The following MYL10 variants were observed in gnomAD, a reference collection of about 807,000 sequenced individuals.
MYL10 encodes myosin light chain 10.
In MYL10, 18 loss-of-function variants were observed where a neutral mutation model predicts 21.9. The observed-to-expected ratio is 0.82, with a 90% CI of 0.57 to 1.22. The LOEUF (loss-of-function observed/expected upper bound fraction) is 1.22. MYL10 is among the 50% of genes most tolerant of loss of function. The pLI, the probability that MYL10 is intolerant of heterozygous loss-of-function variation, is 0.00. For synonymous variants in MYL10, 88 were observed against 82.8 expected (o/e 1.06, Z -0.34); for missense variants, 225 against 230.4 (o/e 0.98, Z 0.15).
intron 5 of MYL10, 63 bp from the exon 6 acceptor site, chr7:101,616,361 A>G (rs1216133741): frequency 3.6e-6 from 5 of 1,384,790 alleles, no homozygotes; most frequent in Non-Finnish European, 2.0e-6. Flanking sequence ...AGGGACAGGC[A>G]CAAGGCTGGG....
intron 1 of MYL10, among the ~76,000 whole-genome samples, chr7:101,627,847 G>A (rs1448073474): frequency 6.6e-6 from 1 of 152,268 alleles, no homozygotes; most frequent in African/African-American, 2.4e-5. Context: ...TGAGCCGTCA[G>A]GGAGTGTTGC....
At chr7:101,618,065 G>A (rs1796629696) in intron 5 of MYL10, among the ~76,000 whole-genome samples, 1 of 152,288 alleles carries the variant, frequency 6.6e-6, no homozygotes, top group Admixed American at 6.5e-5. Flanking sequence ...CTAGGAACTA[G>A]CCAGGACTGG....
rs143165987 is a variant in MYL10 at position 101,624,248 on chromosome 7, C to T, written c.95G>A (p.Arg32Gln). 37 of 1,613,488 alleles carry T rather than the reference C, an allele frequency of 2.3e-5. No individual in the cohort carries two copies. The highest frequency in any genetic ancestry group is 3.0e-5 in the Non-Finnish European group (35 of 1,179,866). The part of the protein sequence containing the change: ...VLGLQAPRRA[R>Q]KRAEGTASSN... ...GCTGGCGGTGCCTTCTGCTCTTTTC[C>T]GAGCTCTTCTCGGTGCCTGCGAGGT... The change falls in exon 2 of 8, where the codon CGG (arginine) becomes CAG (glutamine). Residue 32 changes from arginine (R) to glutamine (Q), a missense_variant. Transcript: ENST00000223167.
intron 3 of MYL10, 35 bp downstream of exon 3, chr7:101,623,885 T>C: frequency 3.8e-6 from 1 of 263,180 alleles, no homozygotes; most frequent in South Asian, 4.4e-5. Context: ...AAAAATTAGC[T>C]GGGCATGGTG....
At chr7:101,617,883 C>G (rs757336985) in intron 5 of MYL10, among the ~76,000 whole-genome samples, 6 of 152,080 alleles carry the variant, frequency 3.9e-5, no homozygotes, top group Non-Finnish European at 5.9e-5. Context: ...TTCCATCAGA[C>G]TGGGTCAGAG....
intron 5 of MYL10, among the ~76,000 whole-genome samples, chr7:101,621,350 G>A (rs1433158800): frequency 6.6e-6 from 1 of 152,078 alleles, no homozygotes; most frequent in Non-Finnish European, 1.5e-5. Flanking sequence ...GAGGCTCCCC[G>A]ATCCTTCCTC....
At chr7:101,616,033 G>A (rs932872362) in intron 6 of MYL10, among the ~76,000 whole-genome samples, 187 bp downstream of exon 6, 6 of 151,894 alleles carry the variant, frequency 4.0e-5, no homozygotes, top group African/African-American at 4.8e-5. Flanking sequence ...CTACTTCCAC[G>A]CACACATAGA....
chr7:101,624,415 C>A (rs530842481), intron 1 of MYL10, 151 bp from the exon 2 acceptor site: 2 of 597,698 alleles, frequency 3.3e-6, no homozygotes, highest in Non-Finnish European at 5.9e-6. Flanking sequence ...ACCCCTGAAG[C>A]CTTGCAGGTA....
chr7:101,625,303 G>A (rs1796730704), intron 1 of MYL10, among the ~76,000 whole-genome samples: 1 of 152,216 alleles, frequency 6.6e-6, no homozygotes, highest in Admixed American at 6.5e-5. Context: ...TCCTGTTCCT[G>A]GGCAGCCATC....
intron 6 of MYL10, 56 bp downstream of exon 6, chr7:101,616,164 C>T: frequency 5.3e-6 from 8 of 1,516,676 alleles, no homozygotes; most frequent in Non-Finnish European, 7.3e-6. Context: ...ACCCTGACCC[C>T]AGCCCAAAGC....
chr7:101,625,520 C>T (rs1796733273), intron 1 of MYL10, among the ~76,000 whole-genome samples: 1 of 152,072 alleles, frequency 6.6e-6, no homozygotes. Flanking sequence ...CCCTCATCCC[C>T]TGCTCCCCTC....
At position 101,622,136 on chromosome 7, in the gene MYL10, G is replaced by A. The variant is rs1267766632; in HGVS notation, c.414C>T (p.Asn138=). 3 of 1,613,932 alleles carry A rather than the reference G, an allele frequency of 1.9e-6. No individual in the cohort carries two copies. The highest frequency in any genetic ancestry group is 1.7e-5 in the Admixed American group (1 of 60,004). ...AMVKEAPGPI[N]FTVFLTMFGE... The stretch of plus-strand genomic sequence containing the variant: ...CAAACATGGTCAGGAACACCGTGAA[G>A]TTGATGGGTCCGGGGGCCTCCTTCA... The change falls in exon 5 of 8, where the codon AAC becomes AAT. Residue 138 remains asparagine (N), a synonymous_variant. Transcript: ENST00000223167.
intron 6 of MYL10, among the ~76,000 whole-genome samples, chr7:101,614,272 G>C (rs1311165861): frequency 6.6e-6 from 1 of 152,224 alleles, no homozygotes; most frequent in African/African-American, 2.4e-5. Flanking sequence ...AGACGGCTGA[G>C]TGGGGCCTCG....
chr7:101,624,751 C>T (rs1226564983), intron 1 of MYL10, among the ~76,000 whole-genome samples: 1 of 152,190 alleles, frequency 6.6e-6, no homozygotes, highest in African/African-American at 2.4e-5. Flanking sequence ...AGGCCCTCTA[C>T]TCTGTCCCAG....
intron 1 of MYL10, among the ~76,000 whole-genome samples, chr7:101,627,738 G>A (rs751151152): frequency 6.6e-6 from 1 of 152,220 alleles, no homozygotes; most frequent in Non-Finnish European, 1.5e-5. Flanking sequence ...TGGGCCAACT[G>A]TTTTCTCTAG....
Position 101,616,264 on chromosome 7 carries a change from GA to G in MYL10, c.488del (p.Phe163SerfsTer22). On this transcript the variant is annotated frameshift_variant, in exon 6 of 8. Coordinates refer to ENST00000223167, the MANE Select transcript of MYL10 (RefSeq NM_138403.5). LOFTEE classifies it high-confidence loss of function. Reference protein sequence around the residue: ...TDPEETILHAFKVFDTEGKGF... With the variant: ...TDPEETILHAXKVFDTEGKGF... ...CTTTCCCTTCAGTGTCGAACACTTTGAAGGCGTGGAGAATGGTCTCCTCTGG... is the reference window on the plus strand; with the variant it reads ...CTTTCCCTTCAGTGTCGAACACTTTGAGGCGTGGAGAATGGTCTCCTCTGG... 1 of 1,614,168 alleles carries G rather than the reference GA, an allele frequency of 6.2e-7. No homozygotes were observed. The highest frequency in any genetic ancestry group is 8.5e-7 in the Non-Finnish European group (1 of 1,180,008).
intron 5 of MYL10, among the ~76,000 whole-genome samples, chr7:101,620,280 G>A (rs929844632): frequency 6.6e-6 from 1 of 151,970 alleles, no homozygotes; most frequent in Non-Finnish European, 1.5e-5. Context: ...AGCTGAGATG[G>A]CGCCATTATA....
chr7:101,624,314 GC>G, intron 1 of MYL10, 50 bp from the exon 2 acceptor site: 4 of 1,418,464 alleles, frequency 2.8e-6, no homozygotes, highest in Non-Finnish European at 2.0e-6. Flanking sequence ...TCGAGGGTCA[GC>G]CCCCACCCCC....
chr7:101,622,939 C>T, intron 4 of MYL10, 58 bp downstream of exon 4: 1 of 1,533,164 alleles, frequency 6.5e-7, no homozygotes, highest in Non-Finnish European at 9.0e-7. Flanking sequence ...CTGGCCCCAA[C>T]CGCCCACTCT....
Sources: allele counts gnomAD v4.1 joint callset (sites outside exome capture counted in the v4.1 genomes callset), GRCh38; gene constraint gnomAD v4.1.1; transcripts MANE v1.5; gene names NCBI Gene and HGNC (gene_info 2026-07-23, HGNC 2026-07-21).